The following SEPTIN3 variants were observed in gnomAD, a reference collection of about 807,000 sequenced individuals.
SEPTIN3 encodes neuronal-specific septin-3.
SEPTIN3 carries 15 observed loss-of-function variants against 45.1 expected under a neutral mutation model. That is an observed-to-expected ratio of 0.33 (90% confidence interval 0.22 to 0.51). The LOEUF is 0.51. SEPTIN3 is among the 20% of genes least tolerant of loss of function. The probability of loss-of-function intolerance (pLI) is 0.97; values close to 1 mark genes in which losing one functional copy is unlikely to be tolerated. For missense variants in SEPTIN3, 289 were observed against 457.2 expected (o/e 0.63, Z 3.35); for synonymous variants, 148 against 164.8 (o/e 0.90, Z 0.78).
At chr22:41,990,945 G>T (rs133298) in intron 7 of SEPTIN3, among the ~76,000 whole-genome samples, 118,132 of 151,590 alleles carry the variant, frequency 0.78, 46,107 homozygotes, top group East Asian at 0.9. Flanking sequence ...ATGCCTGTAA[G>T]CCCAGCTACT....
intron 3 of SEPTIN3, among the ~76,000 whole-genome samples, chr22:41,983,442 C>T (rs2078153328): frequency 6.6e-6 from 1 of 152,198 alleles, no homozygotes; most frequent in African/African-American, 2.4e-5. Flanking sequence ...AATCTTCCCA[C>T]CTTGCAAAAC....
chr22:41,993,631 C>T (rs900693696), intron 9 of SEPTIN3, among the ~76,000 whole-genome samples: 10 of 152,126 alleles, frequency 6.6e-5, no homozygotes, highest in African/African-American at 1.4e-4. Flanking sequence ...GCTGGGATTA[C>T]AGATGTGAAC....
In SEPTIN3 at chr22:41,987,246, C is replaced by T. The variant is rs148926273; in HGVS notation, c.1866C>T (p.Ile622=). 8 of 1,613,546 alleles carry T rather than the reference C, an allele frequency of 5.0e-6. No homozygotes were observed. The highest frequency in any genetic ancestry group is 1.3e-5 in the African/African-American group (1 of 74,870). Residue 622 remains isoleucine (I), a synonymous_variant, in exon 5 of 12, where the codon ATC becomes ATT. Transcript: ENST00000644076. ...GTGTCAAAATGAAGCTGACCGTCAT[C>T]GACACCCCAGGCTTTGGAGACCAAA... is the stretch of plus-strand genomic sequence containing the variant. ...EGGVKMKLTV[I]DTPGFGDQIN...
Position 41,972,441 on chromosome 22 carries a change from A to C in SEPTIN3, c.949A>C (p.Lys317Gln), listed in dbSNP as rs1405609856. ...ARDLSSVGTV[K>Q]SGKTVNLATA... ...AGACTTGTCTTCGGTAGGGACAGTC[A>C]AGTCAGGCAAAACCGTGAACTTGGC... Residue 317 changes from lysine (K) to glutamine (Q), a missense_variant, in exon 2 of 12, where the codon AAG (lysine) becomes CAG (glutamine). This residue lies in a region of SEPTIN3 where 200 missense variants were observed against 315.1 expected (regional missense o/e 0.63). Transcript: ENST00000644076. 2.5e-6 allele frequency: 1 copy of C among 398,970 alleles called. No homozygotes were observed. Among genetic ancestry groups the C allele is most frequent in the Admixed American group, 4.4e-5 (1 of 22,716 alleles). 24.7% of individuals were successfully genotyped at this position (398,970 alleles called of 1,614,324 possible).
In SEPTIN3 at chr22:41,994,278, T is replaced by C; in HGVS notation, c.2360-12T>C. Reference sequence around the variant, plus strand: ...TGACTACCTGTTTTGCTTTGTTTTGTTTTGTTCATAGTGGAAAACCTCAAC... The same window carrying C: ...TGACTACCTGTTTTGCTTTGTTTTGCTTTGTTCATAGTGGAAAACCTCAAC... On this transcript the variant is annotated splice_polypyrimidine_tract_variant and intron_variant, in intron 9 of 11. Coordinates refer to ENST00000644076, the MANE Select transcript of SEPTIN3 (RefSeq NM_001363845.2). The surrounding 1 kb of genome is among the most constrained non-coding windows in gnomAD (Gnocchi z 4.2). The C allele has an allele frequency of 6.2e-7, 1 of 1,613,664 alleles. No homozygotes were observed. Among genetic ancestry groups the C allele is most frequent in the Non-Finnish European group, 8.5e-7 (1 of 1,179,972 alleles).
chr22:41,987,133 G>A, intron 4 of SEPTIN3, 73 bp from the exon 5 acceptor site: 1 of 1,225,558 alleles, frequency 8.2e-7, no homozygotes, highest in Non-Finnish European at 1.2e-6. Flanking sequence ...GGTCTCCCTG[G>A]CTAGTAGGCT....
At chr22:41,989,152 C>G (rs1307823951) in intron 6 of SEPTIN3, among the ~76,000 whole-genome samples, 1 of 141,578 alleles carries the variant, frequency 7.1e-6, no homozygotes, top group South Asian at 2.3e-4. Flanking sequence ...AAAAAAGACA[C>G]ACACAGTGTT....
At chr22:41,987,864 C>G in intron 6 of SEPTIN3, 105 bp downstream of exon 6, 5 of 1,271,452 alleles carry the variant, frequency 3.9e-6, no homozygotes, top group Non-Finnish European at 5.4e-6. Context: ...GCCTCCCTAG[C>G]TGAGTCCTAG....
rs1179681129 is a variant in SEPTIN3, at chr22:41,994,550, G to A, written c.2412-71G>A. On this transcript the variant is annotated intron_variant, in intron 10 of 11. Transcript: ENST00000644076. The surrounding 1 kb of genome is among the most constrained non-coding windows in gnomAD (Gnocchi z 4.2). ...CATTCACTGGGTCCAGTCCCTCGAA[G>A]TGATGTGTGTCACCGCCTCCTCTTC... The A allele has an allele frequency of 6.2e-7, 1 of 1,606,120 alleles. No homozygotes were observed. Among genetic ancestry groups the A allele is most frequent in the South Asian group, 1.1e-5 (1 of 90,380 alleles).
chr22:41,992,707 A>T lies in SEPTIN3; in HGVS notation c.2303A>T (p.Tyr768Phe). The part of the protein sequence containing the change: ...PFAVVGSDKE[Y>F]QVNGKRVLGR... The stretch of plus-strand genomic sequence containing the variant: ...GCTGTGGTGGGAAGTGACAAGGAGT[A>T]CCAAGTGAATGGCAAGAGGGTCCTC... The change falls in exon 9 of 12, where the codon TAC (tyrosine) becomes TTC (phenylalanine). Residue 768 changes from tyrosine to phenylalanine, a missense_variant. By Grantham distance (22) the Tyr-to-Phe change is conservative (BLOSUM62 3). This residue lies in a region of SEPTIN3 where 84 missense variants were observed against 114.7 expected (regional missense o/e 0.73). Coordinates refer to ENST00000644076, the MANE Select transcript of SEPTIN3 (RefSeq NM_001363845.2). 1 of 1,612,574 alleles carries T rather than the reference A, an allele frequency of 6.2e-7. No homozygotes were observed. The highest frequency in any genetic ancestry group is 8.5e-7 in the Non-Finnish European group (1 of 1,179,416).
rs1034170516 is a variant in SEPTIN3 at position 41,995,522 on chromosome 22, A to C, written c.2505+808A>C. The C allele has an allele frequency of 5.1e-6, 5 of 985,174 alleles. No homozygotes were observed. In the African/African-American group the frequency reaches 8.7e-5, roughly 17 times the overall value. The allele number at this position is 985,174 out of a possible 1,614,324, so 61.0% of individuals were successfully genotyped here. On this transcript the variant is annotated intron_variant, in intron 11 of 11. Transcript: ENST00000644076. ...CTTTCTCCCTTTCCCTCCTTCCCTC[A>C]TACATTGCTTTCTCTCCCTCTCCTG...
intron 3 of SEPTIN3, 107 bp from the exon 4 acceptor site, chr22:41,985,877 G>A: frequency 7.3e-7 from 1 of 1,371,626 alleles, no homozygotes; most frequent in Non-Finnish European, 9.8e-7. Context: ...GGTCAGACAA[G>A]GTGTGGCCTG....
intron 1 of SEPTIN3, among the ~76,000 whole-genome samples, chr22:41,969,968 G>T (rs985816842): frequency 6.6e-6 from 1 of 152,106 alleles, no homozygotes; most frequent in South Asian, 2.1e-4. Context: ...AGGTGGGAAA[G>T]GGTTGGAGGC....
chr22:41,973,879 G>A (rs1417558428), intron 2 of SEPTIN3, among the ~76,000 whole-genome samples: 2 of 152,018 alleles, frequency 1.3e-5, no homozygotes, highest in African/African-American at 4.8e-5. Context: ...TACTTGGGAG[G>A]CTGAGGCACG....
intron 4 of SEPTIN3, among the ~76,000 whole-genome samples, chr22:41,986,981 A>G (rs1205269149): frequency 6.6e-6 from 1 of 152,168 alleles, no homozygotes; most frequent in Non-Finnish European, 1.5e-5. Context: ...GTCTCTTAAA[A>G]AAAATAAAAG....
chr22:41,991,735 C>T (rs116671895), intron 8 of SEPTIN3, 67 bp downstream of exon 8: 38 of 1,059,740 alleles, frequency 3.6e-5, no homozygotes, highest in Admixed American at 1.7e-4. Flanking sequence ...GTATTGTGCA[C>T]GTCCTCTGTC....
chr22:41,984,737 C>T (rs1180800882), intron 3 of SEPTIN3, among the ~76,000 whole-genome samples: 1 of 151,926 alleles, frequency 6.6e-6, no homozygotes, highest in African/African-American at 2.4e-5. Context: ...CCATGTTGGC[C>T]AGGCTGGTCT....
chr22:41,987,366 T>C (rs527701662), intron 5 of SEPTIN3, 79 bp downstream of exon 5: 1 of 1,363,422 alleles, frequency 7.3e-7, no homozygotes, highest in African/African-American at 1.4e-5. Flanking sequence ...TCATTCACGT[T>C]GAGAACCATC....
At chr22:41,990,497 G>A (rs1216067662) in intron 7 of SEPTIN3, among the ~76,000 whole-genome samples, 1 of 151,198 alleles carries the variant, frequency 6.6e-6, no homozygotes, top group Non-Finnish European at 1.5e-5. Flanking sequence ...TGTAATCCCA[G>A]CACTTTGGGA....
Sources: gnomAD v4.1 joint callset for allele counts (sites outside exome capture counted in the v4.1 genomes callset) on GRCh38, gnomAD v4.1.1 for gene constraint, gnomAD v4.1.1 regional missense constraint, Gnocchi (gnomAD v3.1) non-coding constraint, MANE v1.5 for transcripts, NCBI Gene and HGNC (gene_info 2026-07-23, HGNC 2026-07-21) for gene names.